The following ARSG variants were observed in gnomAD, a reference collection of about 807,000 sequenced individuals.
The protein encoded by ARSG is arylsulfatase G, also known as ASG.
A neutral mutation model predicts 50.5 loss-of-function variants in ARSG; 37 were observed. The observed-to-expected ratio is 0.73, with a 90% CI of 0.56 to 0.96. ARSG has a LOEUF of 0.96. Among genes scored for constraint, ARSG ranks in the 50% least tolerant of loss-of-function variants. The probability of loss-of-function intolerance (pLI) is 0.00; values close to 1 mark genes in which losing one functional copy is unlikely to be tolerated. For missense variants in ARSG, 629 were observed against 675.3 expected (o/e 0.93, Z 0.76); for synonymous variants, 225 against 254.6 (o/e 0.88, Z 1.11).
At chr17:68,354,056 T>C (rs2078924136) in intron 5 of ARSG, among the ~76,000 whole-genome samples, 1 of 150,244 alleles carries the variant, frequency 6.7e-6, no homozygotes, top group Non-Finnish European at 1.5e-5. Context: ...ATCCTGTTCC[T>C]TCTGTATTTT....
At chr17:68,309,137 G>A (rs1048748634) in intron 2 of ARSG, among the ~76,000 whole-genome samples, 35 of 152,350 alleles carry the variant, frequency 2.3e-4, no homozygotes, top group Admixed American at 8.5e-4. Context: ...TACACCCTCC[G>A]CAGCTGCTGG....
intron 11 of ARSG, among the ~76,000 whole-genome samples, chr17:68,417,897 A>AT (rs1307646971): frequency 1.3e-5 from 2 of 150,876 alleles, no homozygotes; most frequent in African/African-American, 4.9e-5. Flanking sequence ...TGCCCAGATA[A>AT]TTTTTTATAT....
chr17:68,307,738 T>C, intron 2 of ARSG, 27 bp downstream of exon 2: 1 of 1,238,388 alleles, frequency 8.1e-7, no homozygotes, highest in East Asian at 2.3e-5. Flanking sequence ...CAGGCCAGCC[T>C]TTCTTTGGAT....
chr17:68,307,309 C>T lies in ARSG; in HGVS notation c.-185C>T, dbSNP rs2145585626. 1 of 561,396 alleles carries T rather than the reference C, an allele frequency of 1.8e-6. No individual in the cohort carries two copies. Among genetic ancestry groups the T allele is most frequent in the Non-Finnish European group, 3.2e-6 (1 of 315,600 alleles). 34.8% of individuals were successfully genotyped at this position (561,396 alleles called of 1,614,324 possible). A position where few individuals can be genotyped will look rare whatever the true frequency, so the allele number is the denominator to read the frequency against. ...ATTCCAGATGGGGGCCTCATTTCTA[C>T]AGCCCCCAACATTCCTATAGCCGTT... On this transcript the variant is annotated 5_prime_UTR_variant, in exon 2 of 12. The change creates a premature stop within an existing upstream ORF in the 5' untranslated region. Coordinates refer to ENST00000621439, the MANE Select transcript of ARSG (RefSeq NM_001267727.2).
At chr17:68,331,446 G>A (rs111731779) in intron 2 of ARSG, among the ~76,000 whole-genome samples, 2,696 of 152,032 alleles carry the variant, frequency 0.018, 79 homozygotes, top group African/African-American at 0.061. Context: ...GGGTTTCACC[G>A]TGTTAGCCAG....
chr17:68,316,356 TTGTTTACTTCTTTGTTGCCTGTCTCTCCC>T (rs2077070689), intron 2 of ARSG, among the ~76,000 whole-genome samples: 1 of 152,234 alleles, frequency 6.6e-6, no homozygotes, highest in Non-Finnish European at 1.5e-5. Context: ...ATGATCTTCT[TTGTTTACTTCTTTGTTGCCTGTCTCTCCC>T]ACTGGAATAT....
At chr17:68,319,833 TTTTGC>T (rs2077209239) in intron 2 of ARSG, among the ~76,000 whole-genome samples, 1 of 152,188 alleles carries the variant, frequency 6.6e-6, no homozygotes, top group South Asian at 2.1e-4. Context: ...CTCCTACTCC[TTTTGC>T]TTTTATAACC....
intron 6 of ARSG, among the ~76,000 whole-genome samples, chr17:68,361,634 C>T (rs185375348): frequency 6.6e-6 from 1 of 151,906 alleles, no homozygotes; most frequent in East Asian, 1.9e-4. Context: ...AAAAAAAAGG[C>T]CAGGCACGGT....
chr17:68,311,218 A>C (rs971372688), intron 2 of ARSG, among the ~76,000 whole-genome samples: 1 of 152,218 alleles, frequency 6.6e-6, no homozygotes, highest in African/African-American at 2.4e-5. Context: ...TCTCTCTTGC[A>C]GTGGTCTTTG....
chr17:68,420,495 C>T lies in ARSG; in HGVS notation c.*32C>T, dbSNP rs79999325. The stretch of plus-strand genomic sequence containing the variant: ...AATTTTTATTCCACGAGGAGGAGTA[C>T]CTGGAAATTAGGCAAGTTTGCTTCC... On this transcript the variant is annotated 3_prime_UTR_variant, in exon 12 of 12. Transcript: ENST00000621439. The T allele has an allele frequency of 3.6e-3, 5,725 of 1,594,028 alleles. 181 individuals are homozygous for T. In the African/African-American group the frequency reaches 0.068, roughly 19 times the overall value.
In ARSG at chr17:68,271,778, A is replaced by G. The variant is rs1307128716; in HGVS notation, c.-552+12352A>G. On this transcript the variant is annotated intron_variant, in intron 1 of 11. Transcript: ENST00000448504. The surrounding 1 kb of genome is among the most constrained non-coding windows in gnomAD (Gnocchi z 5.3). Reference sequence around the variant, plus strand: ...TATAAGTTCTGTGGAAATTTATTATACTCAGCAGTATGAATGTACTCAATC... The same window carrying G: ...TATAAGTTCTGTGGAAATTTATTATGCTCAGCAGTATGAATGTACTCAATC... 1.4e-6 allele frequency: 1 copy of G among 702,188 alleles called. No individual in the cohort carries two copies. The highest frequency in any genetic ancestry group is 2.4e-6 in the Non-Finnish European group (1 of 419,166). 43.5% of individuals were successfully genotyped at this position (702,188 alleles called of 1,614,324 possible). A position where few individuals can be genotyped will look rare whatever the true frequency, so the allele number is the denominator to read the frequency against.
chr17:68,380,210 CTCCTTCCT>C (rs1044281525), intron 8 of ARSG, among the ~76,000 whole-genome samples: 3 of 148,810 alleles, frequency 2.0e-5, no homozygotes, highest in Admixed American at 6.8e-5. Flanking sequence ...ACCTTCCTTC[CTCCTTCCT>C]TCCTTCCTTT....
At chr17:68,384,730 A>G (rs974203805) in intron 8 of ARSG, among the ~76,000 whole-genome samples, 4 of 152,208 alleles carry the variant, frequency 2.6e-5, no homozygotes, top group Non-Finnish European at 5.9e-5. Context: ...TCTTAGGTGC[A>G]TGAGACTGAT....
chr17:68,416,913 T>C (rs911668739), intron 11 of ARSG, among the ~76,000 whole-genome samples: 2 of 152,224 alleles, frequency 1.3e-5, no homozygotes, highest in Admixed American at 6.5e-5. Flanking sequence ...GGGCTTCACC[T>C]TTCTCTGGTG....
chr17:68,353,553 T>C (rs190912231), intron 5 of ARSG, among the ~76,000 whole-genome samples: 102 of 152,312 alleles, frequency 6.7e-4, no homozygotes, highest in Admixed American at 1.8e-3. Context: ...CCAGGGATTC[T>C]GCACATTATG....
At position 68,399,253 on chromosome 17, in the gene ARSG, G is replaced by A. The variant is rs770930481; in HGVS notation, c.1213-2107G>A. On this transcript the variant is annotated intron_variant, in intron 10 of 11. Coordinates refer to ENST00000621439, the MANE Select transcript of ARSG (RefSeq NM_001267727.2). The surrounding 1 kb of genome is among the most constrained non-coding windows in gnomAD (Gnocchi z 4.6). ...CTAGTGGCGAGAGATGTCATCTGGCGTGGCTGGCAAACTGACCACCCCCAT... is the reference window on the plus strand; with the variant it reads ...CTAGTGGCGAGAGATGTCATCTGGCATGGCTGGCAAACTGACCACCCCCAT... Among the ~76,000 whole-genome samples, 5 of 152,118 alleles carry A rather than the reference G, an allele frequency of 3.3e-5. No individual in the cohort carries two copies. Among genetic ancestry groups the A allele is most frequent in the Middle Eastern group, 3.2e-3 (1 of 316 alleles).
chr17:68,366,250 T>A (rs1006026308), intron 6 of ARSG, among the ~76,000 whole-genome samples: 23 of 150,484 alleles, frequency 1.5e-4, no homozygotes, highest in African/African-American at 5.3e-4. Context: ...AAAAATAAAA[T>A]AAAATAAAAT....
At chr17:68,273,116 A>G (rs1200160202) in intron 1 of ARSG, among the ~76,000 whole-genome samples, 1 of 152,198 alleles carries the variant, frequency 6.6e-6, no homozygotes, top group African/African-American at 2.4e-5. Context: ...TATGTGCAGA[A>G]ATACAGGAAA....
chr17:68,278,089 C>A, intron 1 of ARSG: 1 of 1,610,262 alleles, frequency 6.2e-7, no homozygotes, highest in Non-Finnish European at 8.5e-7. Flanking sequence ...ATGTACTAAC[C>A]TGAAAATGTT....
Sources: allele counts gnomAD v4.1 joint callset (sites outside exome capture counted in the v4.1 genomes callset), GRCh38; gene constraint gnomAD v4.1.1; non-coding constraint Gnocchi (gnomAD v3.1); transcripts MANE v1.5; gene names NCBI Gene and HGNC (gene_info 2026-07-23, HGNC 2026-07-21).